Variants in AURKA observed in about 807,000 individuals in gnomAD.
AURKA encodes the protein aurora kinase A.
A neutral mutation model predicts 40.9 loss-of-function variants in AURKA; 12 were observed. That is an observed-to-expected ratio of 0.29 (90% CI 0.19 to 0.48). AURKA has a LOEUF of 0.48. Among genes scored for constraint, AURKA ranks in the 20% least tolerant of loss-of-function variants. AURKA has a pLI of 0.99. For synonymous variants in AURKA, 170 were observed against 164.3 expected, an observed-to-expected ratio of 1.03 and a Z score of -0.26; for missense variants, 322 against 462.1, an observed-to-expected ratio of 0.70 and a Z score of 2.78.
At chr20:56,385,710 C>T (rs545154976) in intron 3 of AURKA, among the ~76,000 whole-genome samples, 18 of 152,300 alleles carry the variant, frequency 1.2e-4, no homozygotes, top group African/African-American at 4.3e-4. Flanking sequence ...ATCCACCTGC[C>T]TCGGTCTCCC....
chr20:56,388,451 A>G (rs1986651581), intron 1 of AURKA: 1 of 556,854 alleles, frequency 1.8e-6, no homozygotes, highest in African/African-American at 1.9e-5. Context: ...TTGCTGCTCC[A>G]TCATCTCTCC....
At position 56,370,035 on chromosome 20, in the gene AURKA, AAT is replaced by A; in HGVS notation, c.*121_*122del. 7.8e-7 allele frequency: 1 copy of A among 1,281,806 alleles called. No individual in the cohort carries two copies. The highest frequency in any genetic ancestry group is 1.1e-6 in the Non-Finnish European group (1 of 886,024). 79.4% of individuals were successfully genotyped at this position (1,281,806 alleles called of 1,614,324 possible). On this transcript the variant is annotated 3_prime_UTR_variant, in exon 9 of 9. Transcript: ENST00000395915. ...TAAGGCACACCTGCTGAGTAAAACA[AAT>A]ATTTCTTGTGTAGCGTTCTAGATTG...
At chr20:56,375,201 T>C (rs1209563699) in intron 6 of AURKA, among the ~76,000 whole-genome samples, 3 of 152,208 alleles carry the variant, frequency 2.0e-5, no homozygotes, top group Admixed American at 2.0e-4. Context: ...CATACCTCAC[T>C]GCAGCCTTGA....
chr20:56,372,928 ATC>A (rs1197515198), intron 7 of AURKA, among the ~76,000 whole-genome samples: 10 of 152,334 alleles, frequency 6.6e-5, no homozygotes, highest in Admixed American at 1.3e-4. Flanking sequence ...ACTGAAGAGA[ATC>A]TCTCACCACT....
At chr20:56,378,850 A>G (rs1180626246) in intron 6 of AURKA, among the ~76,000 whole-genome samples, 1 of 152,218 alleles carries the variant, frequency 6.6e-6, no homozygotes, top group Non-Finnish European at 1.5e-5. Flanking sequence ...GAGACAGTAA[A>G]CAGATCAGTG....
rs769911074 is a variant in AURKA at position 56,386,354 on chromosome 20, C to G, written c.222G>C (p.Gln74His). The change falls in exon 3 of 9, where the codon CAG becomes CAC. Residue 74 changes from glutamine (Q) to histidine (H), a missense_variant. Transcript: ENST00000395915. The stretch of plus-strand genomic sequence containing the variant: ...TGGTTGCCTGCAATTGCTTCTGCTT[C>G]TGATTCTGAACCGGCTTGTGACTGG... The part of the protein sequence containing the change: ...LVSSHKPVQN[Q>H]KQKQLQATSV... 1.2e-5 allele frequency: 19 copies of G among 1,614,078 alleles called. No homozygotes were observed. Among genetic ancestry groups the G allele is most frequent in the Non-Finnish European group, 1.6e-5 (19 of 1,180,052 alleles).
At position 56,372,305 on chromosome 20, in the gene AURKA, G is replaced by A. The variant is rs547692596; in HGVS notation, c.854+1103C>T. ...TCAGCACCGACGGACTGAATCGGGG[G>A]TTCTCAAACTGAGGCAATAACCAGG... On this transcript the variant is annotated intron_variant, in intron 7 of 8. Coordinates refer to ENST00000395915, the MANE Select transcript of AURKA (RefSeq NM_198437.3). 8.5e-5 allele frequency among the ~76,000 whole-genome samples: 13 copies of A among 152,266 alleles called. No individual in the cohort carries two copies. The East Asian group carries it at 2.1e-3, about 25-fold the overall frequency.
Position 56,369,465 on chromosome 20 carries a change from C to T in AURKA, c.*693G>A. ...ACTCCAATGTTTTAAAAAAATAAGCCCTTAACAGCTCTGAGACACATGGCC... is the reference window on the plus strand; with the variant it reads ...ACTCCAATGTTTTAAAAAAATAAGCTCTTAACAGCTCTGAGACACATGGCC... On this transcript the variant is annotated 3_prime_UTR_variant, in exon 9 of 9. Coordinates refer to ENST00000395915, the MANE Select transcript of AURKA (RefSeq NM_198437.3). 4.2e-6 allele frequency: 1 copy of T among 236,468 alleles called. No individual in the cohort carries two copies. The highest frequency in any genetic ancestry group is 8.3e-6 in the Non-Finnish European group (1 of 119,948). 14.6% of individuals were successfully genotyped at this position (236,468 alleles called of 1,614,324 possible).
intron 1 of AURKA, among the ~76,000 whole-genome samples, chr20:56,391,647 G>A (rs1013226636): frequency 1.3e-5 from 2 of 152,008 alleles, no homozygotes; most frequent in African/African-American, 4.8e-5. Context: ...TCTGCAAGGA[G>A]GTTCTCATTC....
rs1311711313 is a variant in AURKA, at chr20:56,373,575, A to C, written c.706-19T>G. ...TTATATACTGTTAAAACAATATTGA[A>C]AGCCTATGTTTTAGATTTTATATAA... On this transcript the variant is annotated intron_variant, in intron 6 of 8. Transcript: ENST00000395915. This position sits in a 1 kb window ranked among gnomAD's most constrained non-coding sequence, Gnocchi z 5.0. 3.1e-6 allele frequency: 5 copies of C among 1,612,362 alleles called. No individual in the cohort carries two copies. The highest frequency in any genetic ancestry group is 1.7e-5 in the Admixed American group (1 of 60,022).
At chr20:56,372,109 G>T (rs1375083516) in intron 7 of AURKA, among the ~76,000 whole-genome samples, 1 of 152,124 alleles carries the variant, frequency 6.6e-6, no homozygotes, top group African/African-American at 2.4e-5. Flanking sequence ...AGTCTGTGTG[G>T]GTTCGTGTTG....
At chr20:56,388,466 A>G in intron 1 of AURKA, 1 of 529,776 alleles carries the variant, frequency 1.9e-6, no homozygotes, top group Non-Finnish European at 3.4e-6. Flanking sequence ...CTCTCCTCTA[A>G]TGGATCACTT....
intron 1 of AURKA, chr20:56,388,791 G>C (rs2146214673): frequency 6.5e-6 from 1 of 154,912 alleles, no homozygotes; most frequent in East Asian, 1.8e-4. Context: ...CAGCCTATGG[G>C]AAAAGAGCGA....
At position 56,386,498 on chromosome 20, in the gene AURKA, G is replaced by A. The variant is rs141027847; in HGVS notation, c.78C>T (p.Leu26=). 1.8e-4 allele frequency: 285 copies of A among 1,614,186 alleles called. No individual in the cohort carries two copies. The highest frequency in any genetic ancestry group is 5.8e-4 in the East Asian group (26 of 44,894). Residue 26 remains leucine (L), a synonymous_variant, in exon 3 of 9, where the codon CTC becomes CTT. Transcript: ENST00000395915. ...TCTGACAAGGAAATTGCTGAGTCACGAGAACACGTTTTGGACCTCCAACTG... is the reference window on the plus strand; with the variant it reads ...TCTGACAAGGAAATTGCTGAGTCACAAGAACACGTTTTGGACCTCCAACTG... ...TAPVGGPKRV[L]VTQQFPCQNP... is the part of the protein sequence containing the mutation.
In AURKA at chr20:56,373,331, A is replaced by G. The variant is rs1984515907; in HGVS notation, c.854+77T>C. 1 of 1,605,346 alleles carries G rather than the reference A, an allele frequency of 6.2e-7. No homozygotes were observed. Among genetic ancestry groups the G allele is most frequent in the Non-Finnish European group, 8.5e-7 (1 of 1,173,976 alleles). On this transcript the variant is annotated intron_variant, in intron 7 of 8. Coordinates refer to ENST00000395915, the MANE Select transcript of AURKA (RefSeq NM_198437.3). The surrounding 1 kb of genome is among the most constrained non-coding windows in gnomAD (Gnocchi z 5.0). ...TCTTACAGCACAAAATCTACACTGA[A>G]ATATTTTACATTTAGCTCACGGTTA...
chr20:56,380,360 GAAA>G (rs58953054), intron 6 of AURKA, among the ~76,000 whole-genome samples: 5 of 119,998 alleles, frequency 4.2e-5, no homozygotes, highest in African/African-American at 7.0e-5. Flanking sequence ...GTCTCAAAAA[GAAA>G]AAAAAAAAAA....
At position 56,370,603 on chromosome 20, in the gene AURKA, C is replaced by T. The variant is rs753238269; in HGVS notation, c.911G>A (p.Arg304Gln). The change falls in exon 8 of 9, where the codon CGG becomes CAG. Residue 304 changes from arginine (R) to glutamine (Q), a missense_variant. Coordinates refer to ENST00000395915, the MANE Select transcript of AURKA (RefSeq NM_198437.3). ...GAGATCCACCTTCTCATCATGCATC[C>T]GACCTTCAATCATTTCAGGGGGCAG... ...DYLPPEMIEG[R>Q]MHDEKVDLWS... 30 of 1,614,160 alleles carry T rather than the reference C, an allele frequency of 1.9e-5. No individual in the cohort carries two copies. Among genetic ancestry groups the T allele is most frequent in the Middle Eastern group, 1.6e-4 (1 of 6,062 alleles).
chr20:56,380,011 A>C (rs532618196), intron 6 of AURKA, among the ~76,000 whole-genome samples: 9 of 151,268 alleles, frequency 5.9e-5, no homozygotes, highest in African/African-American at 2.2e-4. Context: ...CCAAAAAAAA[A>C]CCACACACAC....
At position 56,381,535 on chromosome 20, in the gene AURKA, A is replaced by G; in HGVS notation, c.603T>C (p.His201=). ...PNILRLYGYF[H]DATRVYLILE... is the part of the protein sequence containing the mutation. ...GAATTAGGTAGACTCTGGTAGCATC[A>G]TGGAAATAACCATACAGTCTAAGAA... Residue 201 remains histidine (H), a synonymous_variant, in exon 6 of 9, where the codon CAT becomes CAC. Transcript: ENST00000395915. 1 of 1,613,972 alleles carries G rather than the reference A, an allele frequency of 6.2e-7. No individual in the cohort carries two copies. Among genetic ancestry groups the G allele is most frequent in the Non-Finnish European group, 8.5e-7 (1 of 1,179,924 alleles).
Sources: allele counts gnomAD v4.1 joint callset (sites outside exome capture counted in the v4.1 genomes callset), GRCh38; gene constraint gnomAD v4.1.1; non-coding constraint Gnocchi (gnomAD v3.1); transcripts MANE v1.5; gene names NCBI Gene and HGNC (gene_info 2026-07-23, HGNC 2026-07-21).